PLEKHA7: variants seen among roughly 807,000 people sequenced by gnomAD.
The protein encoded by PLEKHA7 is pleckstrin homology domain containing A7.
PLEKHA7 carries 104 observed loss-of-function variants against 170.0 expected under a neutral mutation model. The ratio of observed to expected loss-of-function variants is 0.61; its 90% CI spans 0.52 to 0.72. The LOEUF (loss-of-function observed/expected upper bound fraction) is 0.72, where lower values mean the gene tolerates loss of function less well. Ranked by LOEUF, PLEKHA7 falls within the 30% of genes least tolerant of loss-of-function variation. The pLI is 0.00. For synonymous variants in PLEKHA7, 648 were observed against 660.8 expected (o/e 0.98, Z 0.30); for missense variants, 1,615 against 1,671.7 (o/e 0.97, Z 0.59).
Position 16,786,344 on chromosome 11 carries a change from ACCCGTT to A in PLEKHA7, c.3395_3400del (p.Glu1132_Arg1133del). 1 of 1,536,016 alleles carries A rather than the reference ACCCGTT, an allele frequency of 6.5e-7. No homozygotes were observed. Among genetic ancestry groups the A allele is most frequent in the Non-Finnish European group, 8.7e-7 (1 of 1,146,894 alleles). On this transcript the variant is annotated inframe_deletion, in exon 24 of 27. Transcript: ENST00000531066. ...CTTGTCCTTTTTTTCCCCTTGCACG[ACCCGTT>A]CCAGCAACTGCAGGTCAAAGTCCTG...
At chr11:16,850,992 G>A (rs1210600405) in intron 8 of PLEKHA7, among the ~76,000 whole-genome samples, 199 bp downstream of exon 8, 2 of 152,142 alleles carry the variant, frequency 1.3e-5, no homozygotes, top group African/African-American at 2.4e-5. Context: ...ATGGCTGGGC[G>A]ACTCCAAAGC....
In PLEKHA7 at chr11:16,789,939, C is replaced by T; in HGVS notation, c.3053-61G>A. Reference sequence around the variant, plus strand: ...CTGGGGTGGATGGGTCCCTGCTTCTCCCTCATCACACATTCTTGCAGGAGT... The same window carrying T: ...CTGGGGTGGATGGGTCCCTGCTTCTTCCTCATCACACATTCTTGCAGGAGT... On this transcript the variant is annotated intron_variant, in intron 21 of 26. Transcript: ENST00000531066. This position sits in a 1 kb window ranked among gnomAD's most constrained non-coding sequence, Gnocchi z 4.6. 7.2e-7 allele frequency: 1 copy of T among 1,390,692 alleles called. No individual in the cohort carries two copies. Among genetic ancestry groups the T allele is most frequent in the Non-Finnish European group, 1.0e-6 (1 of 980,476 alleles). 86.1% of individuals were successfully genotyped at this position (1,390,692 alleles called of 1,614,324 possible).
At chr11:16,907,270 C>T (rs1204887890) in intron 3 of PLEKHA7, among the ~76,000 whole-genome samples, 5 of 144,816 alleles carry the variant, frequency 3.5e-5, no homozygotes, top group Non-Finnish European at 7.6e-5. Context: ...GGGGGGTCAG[C>T]CCCCCGCCCG....
rs1274582739 is a variant in PLEKHA7, at chr11:16,789,122, G to A, written c.3331C>T (p.Arg1111Trp). 4 of 1,606,796 alleles carry A rather than the reference G, an allele frequency of 2.5e-6. No individual in the cohort carries two copies. Among genetic ancestry groups the A allele is most frequent in the East Asian group, 2.2e-5 (1 of 44,870 alleles). Reference sequence around the variant, plus strand: ...GAGCCAAGATCTCCAGGGAGCGGCCGGCTGAGGTAGCGAGATGAGGGCAGG... The same window carrying A: ...GAGCCAAGATCTCCAGGGAGCGGCCAGCTGAGGTAGCGAGATGAGGGCAGG... The part of the protein sequence containing the change: ...TGLPSSRYLS[R>W]PLPGDLGSWK... Residue 1111 changes from arginine (R) to tryptophan (W), a missense_variant, in exon 23 of 27, where the codon CGG (arginine) becomes TGG (tryptophan). Transcript: ENST00000531066. The surrounding 1 kb of genome is among the most constrained non-coding windows in gnomAD (Gnocchi z 4.6).
Position 16,864,642 on chromosome 11 carries a change from A to G in PLEKHA7, c.305+6457T>C, listed in dbSNP as rs550754435. Among the ~76,000 whole-genome samples the G allele has an allele frequency of 1.9e-4, 29 of 152,340 alleles. 1 individual carries two copies. The South Asian group carries it at 5.2e-3, about 27-fold the overall frequency. On this transcript the variant is annotated intron_variant, in intron 4 of 26. Transcript: ENST00000531066. The stretch of plus-strand genomic sequence containing the variant: ...CTTGTGATAGTGAGTAAGTCTCACA[A>G]GATCTGATGGCTTTATAAAGGGGAG...
chr11:16,879,498 A>T (rs1028992297), intron 3 of PLEKHA7, among the ~76,000 whole-genome samples: 1 of 152,166 alleles, frequency 6.6e-6, no homozygotes, highest in African/African-American at 2.4e-5. Context: ...GAGAGCATAG[A>T]GCAGGGCAAC....
chr11:17,013,497 A>C (rs900596957), intron 3 of PLEKHA7, among the ~76,000 whole-genome samples: 4 of 151,956 alleles, frequency 2.6e-5, no homozygotes, highest in Non-Finnish European at 5.9e-5. Flanking sequence ...ACTCTCCAAG[A>C]CCATCCCAGA....
At chr11:16,956,096 C>T (rs1861684177) in intron 3 of PLEKHA7, among the ~76,000 whole-genome samples, 1 of 152,238 alleles carries the variant, frequency 6.6e-6, no homozygotes, top group Non-Finnish European at 1.5e-5. Flanking sequence ...GTACTTTCCA[C>T]AGGGACCAGG....
chr11:16,857,754 T>C (rs1177555855), intron 4 of PLEKHA7, among the ~76,000 whole-genome samples: 1 of 152,252 alleles, frequency 6.6e-6, no homozygotes, highest in Non-Finnish European at 1.5e-5. Flanking sequence ...AGTTTCGCTC[T>C]GTCGCCCGGG....
chr11:16,977,960 G>GCTTT (rs1489715343), intron 3 of PLEKHA7, among the ~76,000 whole-genome samples: 1 of 152,094 alleles, frequency 6.6e-6, no homozygotes, highest in African/African-American at 2.4e-5. Flanking sequence ...TTGAGGCAAG[G>GCTTT]CTTTCCCTCC....
At chr11:16,815,730 G>A (rs1256497043) in intron 12 of PLEKHA7, among the ~76,000 whole-genome samples, 4 of 151,754 alleles carry the variant, frequency 2.6e-5, no homozygotes, top group Non-Finnish European at 5.9e-5. Flanking sequence ...TTGCTAGGCT[G>A]GTCTTGAACT....
intron 13 of PLEKHA7, among the ~76,000 whole-genome samples, chr11:16,805,789 C>CAAAAAAAAAAAA (rs11339921): frequency 2.7e-5 from 3 of 111,208 alleles, no homozygotes; most frequent in Admixed American, 8.7e-5. Context: ...GACTCCATGT[C>CAAAAAAAAAAAA]AAAAAAAAAA....
intron 24 of PLEKHA7, among the ~76,000 whole-genome samples, chr11:16,785,314 A>G (rs1196703495): frequency 6.6e-6 from 1 of 152,222 alleles, no homozygotes; most frequent in East Asian, 1.9e-4. Context: ...TCCATCCTTC[A>G]TGTGGTGAGA....
chr11:16,813,613 G>A (rs1281018164), intron 12 of PLEKHA7, among the ~76,000 whole-genome samples: 1 of 152,236 alleles, frequency 6.6e-6, no homozygotes, highest in African/African-American at 2.4e-5. Flanking sequence ...ACTGGTGTGG[G>A]TGGATGCCTT....
chr11:16,807,207 A>C, intron 13 of PLEKHA7: 1 of 985,276 alleles, frequency 1.0e-6, no homozygotes, highest in Non-Finnish European at 1.2e-6. Context: ...CGTTGATCAA[A>C]GGTTCATTAT....
chr11:16,859,184 T>C (rs1425239722), intron 4 of PLEKHA7, among the ~76,000 whole-genome samples: 1 of 152,212 alleles, frequency 6.6e-6, no homozygotes, highest in Non-Finnish European at 1.5e-5. Context: ...ACTCAATTCA[T>C]ACTTGGCAGT....
chr11:16,856,754 C>T (rs1043503248), intron 4 of PLEKHA7, among the ~76,000 whole-genome samples: 4 of 152,212 alleles, frequency 2.6e-5, no homozygotes, highest in African/African-American at 9.6e-5. Flanking sequence ...AATCCCTCCA[C>T]ACAAATCCAG....
At chr11:16,870,543 T>A (rs1854746872) in intron 4 of PLEKHA7, among the ~76,000 whole-genome samples, 1 of 151,292 alleles carries the variant, frequency 6.6e-6, no homozygotes, top group Non-Finnish European at 1.5e-5. Context: ...ACAGGAGGAC[T>A]GCTTGAGCCC....
intron 4 of PLEKHA7, among the ~76,000 whole-genome samples, chr11:16,862,097 T>G (rs528268155): frequency 6.6e-6 from 1 of 152,278 alleles, no homozygotes; most frequent in Middle Eastern, 3.4e-3. Context: ...ACACGGGTTT[T>G]CATTCAGCAA....
Sources: gnomAD v4.1 joint callset for allele counts (sites outside exome capture counted in the v4.1 genomes callset) on GRCh38, gnomAD v4.1.1 for gene constraint, Gnocchi (gnomAD v3.1) non-coding constraint, MANE v1.5 for transcripts, NCBI Gene and HGNC (gene_info 2026-07-23, HGNC 2026-07-21) for gene names.